MYH15: variants seen among roughly 807,000 people sequenced by gnomAD.
The protein encoded by MYH15 is myosin-15.
In MYH15, 227 loss-of-function variants were observed where a neutral mutation model predicts 240.5. The observed-to-expected ratio is 0.94, with a 90% confidence interval of 0.85 to 1.05. The LOEUF (loss-of-function observed/expected upper bound fraction) is 1.05. MYH15 is among the 50% of genes least tolerant of loss of function. The pLI, the probability that MYH15 is intolerant of heterozygous loss-of-function variation, is 0.00. For missense variants in MYH15, 2,217 were observed against 2,247.5 expected (o/e 0.99, Z 0.27); for synonymous variants, 785 against 796.7 (o/e 0.99, Z 0.25).
Position 108,414,206 on chromosome 3 carries a change from G to C in MYH15, c.4145+26C>G, listed in dbSNP as rs753229783. The C allele has an allele frequency of 5.0e-6, 8 of 1,606,054 alleles. No homozygotes were observed. In the African/African-American group the frequency reaches 6.7e-5, roughly 13 times the overall value. Reference sequence around the variant, plus strand: ...TACTGCTCCATGTGAGTAACTCCAGGTTAAGGATAGCCTTGCCCTACTCAC... The same window carrying C: ...TACTGCTCCATGTGAGTAACTCCAGCTTAAGGATAGCCTTGCCCTACTCAC... On this transcript the variant is annotated intron_variant, in intron 30 of 40. Coordinates refer to ENST00000693548, the MANE Select transcript of MYH15 (RefSeq NM_014981.3).
chr3:108,521,607 G>A (rs1277837596), intron 1 of MYH15, among the ~76,000 whole-genome samples: 3 of 152,144 alleles, frequency 2.0e-5, no homozygotes, highest in African/African-American at 7.2e-5. Flanking sequence ...GCTGAAGCAA[G>A]TACTGTATAA....
At chr3:108,382,495 T>C (rs2082350760) in intron 40 of MYH15, among the ~76,000 whole-genome samples, 2 of 152,186 alleles carry the variant, frequency 1.3e-5, no homozygotes, top group Admixed American at 1.3e-4. Context: ...AGGGCCTGGA[T>C]TCATTTGTAT....
At chr3:108,397,313 T>A (rs2082469443) in intron 35 of MYH15, among the ~76,000 whole-genome samples, 1 of 152,188 alleles carries the variant, frequency 6.6e-6, no homozygotes, top group South Asian at 2.1e-4. Flanking sequence ...TCCCTTAGAA[T>A]CCTAAACTCC....
chr3:108,421,061 T>C (rs752495261), intron 28 of MYH15, 27 bp downstream of exon 28: 77 of 1,613,140 alleles, frequency 4.8e-5, no homozygotes, highest in East Asian at 2.2e-4. Context: ...GAGAATTGCC[T>C]ATGAGTCAAG....
chr3:108,463,477 G>A (rs1458992373), intron 15 of MYH15, among the ~76,000 whole-genome samples: 1 of 151,920 alleles, frequency 6.6e-6, no homozygotes, highest in East Asian at 1.9e-4. Context: ...ACCATGCCTG[G>A]CTAATTTTTT....
chr3:108,507,264 T>A (rs796575253), intron 1 of MYH15, among the ~76,000 whole-genome samples: 5 of 115,326 alleles, frequency 4.3e-5, no homozygotes, highest in South Asian at 5.2e-4. Context: ...TATATATATA[T>A]ATATATATAT....
At chr3:108,511,550 A>C (rs75599937), upstream of MYH15, among the ~76,000 whole-genome samples, 4 of 152,326 alleles carry the variant, frequency 2.6e-5, no homozygotes, top group East Asian at 7.7e-4. Flanking sequence ...TTTACATTTG[A>C]TAACAGGGAG....
chr3:108,491,658 C>T (rs193072901), intron 9 of MYH15, among the ~76,000 whole-genome samples: 1 of 152,258 alleles, frequency 6.6e-6, no homozygotes, highest in Admixed American at 6.5e-5. Context: ...GCTTAATCGT[C>T]CCAAACACTG....
chr3:108,440,328 C>T (rs2082874927), intron 23 of MYH15, among the ~76,000 whole-genome samples: 1 of 152,018 alleles, frequency 6.6e-6, no homozygotes, highest in African/African-American at 2.4e-5. Flanking sequence ...AAGAAAGTGG[C>T]AGTTAAAGAA....
At chr3:108,472,313 AGAACGT>A (rs1292119581) in intron 12 of MYH15, among the ~76,000 whole-genome samples, 1 of 152,242 alleles carries the variant, frequency 6.6e-6, no homozygotes, top group African/African-American at 2.4e-5. Flanking sequence ...GCCTGGAAAC[AGAACGT>A]GCTCCAATCA....
chr3:108,549,755 G>A, the MYH15 span: 1 of 151,968 alleles, frequency 6.6e-6, no homozygotes, highest in African/African-American at 2.4e-5. Context: ...AAATTGTATA[G>A]GGTAGCACTA....
chr3:108,393,957 T>A, intron 36 of MYH15, 74 bp downstream of exon 36: 1 of 1,596,220 alleles, frequency 6.3e-7, no homozygotes. Flanking sequence ...TGGCTGCAGA[T>A]GTGGCCCTGC....
intron 21 of MYH15, among the ~76,000 whole-genome samples, chr3:108,446,603 A>G (rs1159884984): frequency 6.6e-6 from 1 of 152,064 alleles, no homozygotes; most frequent in Non-Finnish European, 1.5e-5. Context: ...CCCTAAAAAA[A>G]TGGAGATCTA....
In MYH15 at chr3:108,439,905, G is replaced by A. The variant is rs762565815; in HGVS notation, c.2907C>T (p.Asn969=). The change falls in exon 24 of 41, where the codon AAC becomes AAT. Residue 969 remains asparagine, a synonymous_variant. Coordinates refer to ENST00000693548, the MANE Select transcript of MYH15 (RefSeq NM_014981.3). The stretch of plus-strand genomic sequence containing the variant: ...TTAGAAACTCTACTTCCTCAGTCAA[G>A]TTCTTGACCTGTGGGAAGAAGATGA... ...EKRTTEHKVK[N]LTEEVEFLNE... 3 of 1,587,998 alleles carry A rather than the reference G, an allele frequency of 1.9e-6. No individual in the cohort carries two copies. The highest frequency in any genetic ancestry group is 2.6e-6 in the Non-Finnish European group (3 of 1,167,972).
intron 1 of MYH15, among the ~76,000 whole-genome samples, chr3:108,519,142 C>G (rs79806234): frequency 2.0e-5 from 3 of 152,106 alleles, no homozygotes; most frequent in African/African-American, 7.2e-5. Context: ...AACCAAGATG[C>G]AACATGTCCA....
intron 13 of MYH15, 51 bp downstream of exon 13, chr3:108,470,647 C>A: frequency 1.3e-6 from 2 of 1,590,750 alleles, no homozygotes; most frequent in Non-Finnish European, 1.7e-6. Context: ...GTAACGTTTT[C>A]TAATCTTCTT....
At chr3:108,517,761 C>T (rs1050754407) in intron 1 of MYH15, among the ~76,000 whole-genome samples, 12 of 152,240 alleles carry the variant, frequency 7.9e-5, no homozygotes, top group African/African-American at 2.9e-4. Context: ...AGCCACCGCA[C>T]CCGGCCACCT....
the MYH15 span, among the ~76,000 whole-genome samples, chr3:108,545,684 A>AATATAC: frequency 7.3e-6 from 1 of 137,832 alleles, no homozygotes; most frequent in East Asian, 2.4e-4. Context: ...CACTGTTTCT[A>AATATAC]ATATACACAT....
chr3:108,420,991 C>T, intron 28 of MYH15, 97 bp downstream of exon 28: 1 of 1,524,236 alleles, frequency 6.6e-7, no homozygotes. Flanking sequence ...TTCAGATGCC[C>T]ACTCAGCCTC....
Sources: gnomAD v4.1 joint callset for allele counts (sites outside exome capture counted in the v4.1 genomes callset) on GRCh38, gnomAD v4.1.1 for gene constraint, MANE v1.5 for transcripts, NCBI Gene and HGNC (gene_info 2026-07-23, HGNC 2026-07-21) for gene names.